The following SLC10A7 variants were observed in gnomAD, a reference collection of about 807,000 sequenced individuals.
SLC10A7 encodes the protein sodium/bile acid cotransporter 7.
Under a neutral mutation model 43.2 loss-of-function variants are expected in SLC10A7, and 29 were observed. The ratio of observed to expected loss-of-function variants is 0.67; its 90% confidence interval spans 0.50 to 0.92. The LOEUF (loss-of-function observed/expected upper bound fraction) is 0.92. Ranked by LOEUF, SLC10A7 falls within the 40% of genes least tolerant of loss-of-function variation. SLC10A7 has a pLI of 0.00. For synonymous variants in SLC10A7, 152 were observed against 144.8 expected, an observed-to-expected ratio of 1.05 and a Z score of -0.35; for missense variants, 295 against 403.2, an observed-to-expected ratio of 0.73 and a Z score of 2.30.
intron 5 of SLC10A7, among the ~76,000 whole-genome samples, chr4:146,404,009 C>T (rs1739399706): frequency 6.6e-6 from 1 of 152,026 alleles, no homozygotes; most frequent in African/African-American, 2.4e-5. Flanking sequence ...TATCCCTATT[C>T]ACACACCTAC....
intron 5 of SLC10A7, among the ~76,000 whole-genome samples, chr4:146,423,349 G>A (rs1396284544): frequency 2.6e-5 from 4 of 151,916 alleles, no homozygotes; most frequent in Non-Finnish European, 5.9e-5. Context: ...TTTCTTCTTA[G>A]TCCCTGCAGA....
intron 4 of SLC10A7, among the ~76,000 whole-genome samples, chr4:146,460,386 T>C (rs1732429079): frequency 6.6e-6 from 1 of 152,038 alleles, no homozygotes; most frequent in Admixed American, 6.6e-5. Flanking sequence ...TGTATTCAAA[T>C]GTTCGGATTT....
At chr4:146,297,653 T>C (rs750778259) in intron 7 of SLC10A7, among the ~76,000 whole-genome samples, 3 of 152,240 alleles carry the variant, frequency 2.0e-5, no homozygotes, top group Non-Finnish European at 4.4e-5. Context: ...ATTTTTATCC[T>C]CTATTGCACT....
At chr4:146,451,283 C>A (rs1408474150) in intron 4 of SLC10A7, among the ~76,000 whole-genome samples, 1 of 147,712 alleles carries the variant, frequency 6.8e-6, no homozygotes, top group Non-Finnish European at 1.5e-5. Flanking sequence ...GGCTTCACTG[C>A]TGAATTCTAC....
chr4:146,355,947 C>T (rs939662746), intron 5 of SLC10A7, among the ~76,000 whole-genome samples: 4 of 149,802 alleles, frequency 2.7e-5, no homozygotes, highest in East Asian at 2.0e-4. Flanking sequence ...CTAGATGACG[C>T]GTTAGTGGGT....
chr4:146,407,997 T>C (rs1486826683), intron 5 of SLC10A7, among the ~76,000 whole-genome samples: 1 of 152,166 alleles, frequency 6.6e-6, no homozygotes, highest in Non-Finnish European at 1.5e-5. Context: ...TAAGCCAAAT[T>C]CTGTTCCCTT....
chr4:146,270,319 G>A (rs934636509), intron 10 of SLC10A7, among the ~76,000 whole-genome samples: 5 of 152,104 alleles, frequency 3.3e-5, no homozygotes, highest in Non-Finnish European at 7.4e-5. Context: ...TTTCTCTTCT[G>A]AATATTTAAC....
intron 5 of SLC10A7, among the ~76,000 whole-genome samples, chr4:146,378,108 G>C (rs976325927): frequency 6.6e-6 from 1 of 152,170 alleles, no homozygotes; most frequent in East Asian, 1.9e-4. Flanking sequence ...GAAAAGACTG[G>C]TTTTGGATGC....
At chr4:146,460,104 G>A (rs570116989) in intron 4 of SLC10A7, among the ~76,000 whole-genome samples, 8 of 151,994 alleles carry the variant, frequency 5.3e-5, no homozygotes, top group African/African-American at 1.7e-4. Context: ...TCTTTAGTTA[G>A]TAGAGAACTA....
intron 5 of SLC10A7, among the ~76,000 whole-genome samples, chr4:146,340,954 T>C (rs966256101): frequency 2.0e-5 from 3 of 151,846 alleles, no homozygotes; most frequent in Non-Finnish European, 4.4e-5. Flanking sequence ...ATTTTTCTAG[T>C]TCCCCAGTAG....
chr4:146,267,215 CAAAAG>C (rs1728614945), intron 10 of SLC10A7, among the ~76,000 whole-genome samples: 1 of 152,088 alleles, frequency 6.6e-6, no homozygotes, highest in African/African-American at 2.4e-5. Flanking sequence ...TAGAGGGTGT[CAAAAG>C]AAAGGCCACC....
intron 5 of SLC10A7, among the ~76,000 whole-genome samples, chr4:146,380,893 A>G (rs1737568966): frequency 6.6e-6 from 1 of 152,176 alleles, no homozygotes; most frequent in South Asian, 2.1e-4. Flanking sequence ...AAAAATAGAT[A>G]ATTTAGATAT....
intron 5 of SLC10A7, among the ~76,000 whole-genome samples, chr4:146,392,361 T>C (rs770974195): frequency 6.6e-6 from 1 of 152,122 alleles, no homozygotes. Flanking sequence ...TTAAAAAACA[T>C]TGAGATTGAA....
At chr4:146,358,674 G>A (rs922443263) in intron 5 of SLC10A7, among the ~76,000 whole-genome samples, 1 of 152,128 alleles carries the variant, frequency 6.6e-6, no homozygotes, top group African/African-American at 2.4e-5. Flanking sequence ...ATCTGTGATA[G>A]TTAATCATAT....
Position 146,467,593 on chromosome 4 carries a change from C to T in SLC10A7, c.397-24772G>A, listed in dbSNP as rs1409876315. Reference sequence around the variant, plus strand: ...TTTTTTTTTTTTTTTTGAGACAGAGCGCTCTGTTTCCCAGGCTGAAGTGCA... The same window carrying T: ...TTTTTTTTTTTTTTTTGAGACAGAGTGCTCTGTTTCCCAGGCTGAAGTGCA... On this transcript the variant is annotated intron_variant, in intron 4 of 11. Transcript: ENST00000335472. Among the ~76,000 whole-genome samples the T allele has an allele frequency of 1.3e-4, 14 of 109,162 alleles. 1 individual carries two copies. Among genetic ancestry groups the T allele is most frequent in the African/African-American group, 3.7e-4 (10 of 27,086 alleles). The allele number at this position is 109,162 out of a possible 152,430, so 71.6% of individuals were successfully genotyped here. A position where few individuals can be genotyped will look rare whatever the true frequency, so the allele number is the denominator to read the frequency against.
intron 5 of SLC10A7, among the ~76,000 whole-genome samples, chr4:146,365,890 G>A (rs778665545): frequency 2.6e-4 from 39 of 152,222 alleles, no homozygotes; most frequent in Non-Finnish European, 4.7e-4. Flanking sequence ...CCGCACTGCA[G>A]GAGGTGAGTG....
At chr4:146,298,663 G>A (rs1052493214) in intron 7 of SLC10A7, among the ~76,000 whole-genome samples, 1 of 152,102 alleles carries the variant, frequency 6.6e-6, no homozygotes, top group Non-Finnish European at 1.5e-5. Flanking sequence ...CACAAAATAA[G>A]TATTTGTCAC....
chr4:146,496,441 G>A (rs1055480675), intron 4 of SLC10A7, among the ~76,000 whole-genome samples: 1 of 152,092 alleles, frequency 6.6e-6, no homozygotes, highest in African/African-American at 2.4e-5. Context: ...GTGGATCATA[G>A]AAACTAGAAT....
chr4:146,367,643 A>G (rs1736489276), intron 5 of SLC10A7, among the ~76,000 whole-genome samples: 1 of 152,192 alleles, frequency 6.6e-6, no homozygotes, highest in Non-Finnish European at 1.5e-5. Flanking sequence ...GAAAAGAATC[A>G]TTTAAAATAT....
Sources: gnomAD v4.1 joint callset for allele counts (sites outside exome capture counted in the v4.1 genomes callset) on GRCh38, gnomAD v4.1.1 for gene constraint, MANE v1.5 for transcripts, NCBI Gene and HGNC (gene_info 2026-07-23, HGNC 2026-07-21) for gene names.